The following SLC9B1 variants were observed in gnomAD, a reference collection of about 807,000 sequenced individuals.
SLC9B1 encodes the protein solute carrier family 9 member B1, also known as sodium/hydrogen exchanger 9B1.
Under a neutral mutation model 51.7 loss-of-function variants are expected in SLC9B1, and 32 were observed. The observed-to-expected ratio is 0.62, with a 90% CI of 0.47 to 0.83. SLC9B1 has a LOEUF of 0.83. Ranked by LOEUF, SLC9B1 falls within the 40% of genes least tolerant of loss-of-function variation. The pLI, the probability that SLC9B1 is intolerant of heterozygous loss-of-function variation, is 0.00. For missense variants in SLC9B1, 406 were observed against 613.2 expected (o/e 0.66, Z 3.57); for synonymous variants, 145 against 212.7 (o/e 0.68, Z 2.77).
chr4:102,926,571 C>T (rs1168915530), intron 7 of SLC9B1, among the ~76,000 whole-genome samples: 1 of 152,164 alleles, frequency 6.6e-6, no homozygotes, highest in Non-Finnish European at 1.5e-5. Flanking sequence ...AGGAGAACTA[C>T]AAACCACTGC....
At chr4:102,951,936 G>A (rs1444095455) in intron 3 of SLC9B1, among the ~76,000 whole-genome samples, 1 of 86,236 alleles carries the variant, frequency 1.2e-5, no homozygotes, top group African/African-American at 5.1e-5. Flanking sequence ...AGAAACTATA[G>A]ACTACCAAAG....
intron 1 of SLC9B1, among the ~76,000 whole-genome samples, chr4:102,996,527 C>A (rs1260027028): frequency 6.6e-6 from 1 of 152,098 alleles, no homozygotes; most frequent in Non-Finnish European, 1.5e-5. Flanking sequence ...AGGAAAGGAA[C>A]AACAACAGGT....
intron 3 of SLC9B1, among the ~76,000 whole-genome samples, chr4:102,965,005 A>G (rs1387393848): frequency 6.6e-6 from 1 of 152,104 alleles, no homozygotes; most frequent in African/African-American, 2.4e-5. Context: ...ACACCCACAC[A>G]CACACACCCA....
intron 6 of SLC9B1, among the ~76,000 whole-genome samples, chr4:102,942,599 G>A (rs1330119256): frequency 6.6e-6 from 1 of 152,124 alleles, no homozygotes; most frequent in Non-Finnish European, 1.5e-5. Context: ...TTCAACAAAT[G>A]GTGCTGGGAT....
chr4:103,007,316 T>C (rs1268346601), intron 1 of SLC9B1, among the ~76,000 whole-genome samples: 2 of 152,186 alleles, frequency 1.3e-5, no homozygotes, highest in African/African-American at 4.8e-5. Flanking sequence ...GTAGCATTTC[T>C]ATACACCAAC....
At position 102,912,315 on chromosome 4, in the gene SLC9B1, G is replaced by C. The variant is rs572263076; in HGVS notation, c.830-778C>G. On this transcript the variant is annotated intron_variant, in intron 7 of 11. Transcript: ENST00000296422. ...ATGTAATAACAACATAAAAAATTTTGTTCCAGGGTCAGTCCTAGAAACATT... is the reference window on the plus strand; with the variant it reads ...ATGTAATAACAACATAAAAAATTTTCTTCCAGGGTCAGTCCTAGAAACATT... Among the ~76,000 whole-genome samples, 99 of 152,026 alleles carry C rather than the reference G, an allele frequency of 6.5e-4. 1 individual carries two copies. Among genetic ancestry groups the C allele is most frequent in the African/African-American group, 2.3e-3 (96 of 41,486 alleles).
chr4:102,954,007 T>C (rs1237555969), intron 3 of SLC9B1, among the ~76,000 whole-genome samples: 1 of 39,048 alleles, frequency 2.6e-5, no homozygotes, highest in Non-Finnish European at 4.1e-5. Context: ...TCCAACACTA[T>C]GTTGAATAGG....
downstream of SLC9B1, among the ~76,000 whole-genome samples, chr4:102,899,080 T>A (rs1248455282): frequency 6.6e-6 from 1 of 151,560 alleles, no homozygotes; most frequent in Non-Finnish European, 1.5e-5. Context: ...TACACATGGT[T>A]AACTGGTTGT....
chr4:102,975,582 A>ATTTTTTTT lies in SLC9B1; in HGVS notation c.211+14217_211+14218insAAAAAAAA, dbSNP rs1361023040. Among the ~76,000 whole-genome samples the ATTTTTTTT allele has an allele frequency of 1.3e-3, 93 of 73,494 alleles. 1 individual carries two copies. Among genetic ancestry groups the ATTTTTTTT allele is most frequent in the South Asian group, 6.0e-3 (14 of 2,346 alleles). 48.2% of individuals were successfully genotyped at this position (73,494 alleles called of 152,430 possible). A position where few individuals can be genotyped will look rare whatever the true frequency, so the allele number is the denominator to read the frequency against. On this transcript the variant is annotated intron_variant, in intron 3 of 11. Transcript: ENST00000296422. ...TATATATACATATATATATATATAT[A>ATTTTTTTT]TATATTTTTTTTTTTTTTTTTTTTT...
intron 3 of SLC9B1, among the ~76,000 whole-genome samples, chr4:102,950,479 C>A (rs570359098): frequency 6.6e-6 from 1 of 152,126 alleles, no homozygotes; most frequent in African/African-American, 2.4e-5. Flanking sequence ...CCTTTATTTG[C>A]TATGAATCAT....
chr4:102,980,723 A>G (rs1578398532), intron 3 of SLC9B1, among the ~76,000 whole-genome samples: 1 of 152,054 alleles, frequency 6.6e-6, no homozygotes, highest in Non-Finnish European at 1.5e-5. Context: ...CTGCATATGT[A>G]CCCTGGAACT....
At chr4:102,920,175 G>A (rs1032528644) in intron 7 of SLC9B1, among the ~76,000 whole-genome samples, 15 of 152,228 alleles carry the variant, frequency 9.9e-5, no homozygotes, top group African/African-American at 1.9e-4. Context: ...TCATTTAGGC[G>A]GATGCCCCTC....
chr4:102,899,888 T>C (rs1734709546), downstream of SLC9B1, among the ~76,000 whole-genome samples: 1 of 152,192 alleles, frequency 6.6e-6, no homozygotes, highest in South Asian at 2.1e-4. Flanking sequence ...ATAGTAGCTA[T>C]TTTATCTTTT....
chr4:102,934,274 GAAT>G (rs1736605388), intron 6 of SLC9B1, among the ~76,000 whole-genome samples: 1 of 152,054 alleles, frequency 6.6e-6, no homozygotes, highest in Non-Finnish European at 1.5e-5. Flanking sequence ...AGTTAAAACT[GAAT>G]AATAGTGACA....
At chr4:102,919,515 A>C (rs550872659) in intron 7 of SLC9B1, among the ~76,000 whole-genome samples, 1 of 152,310 alleles carries the variant, frequency 6.6e-6, no homozygotes, top group East Asian at 1.9e-4. Context: ...TGATTTCTGC[A>C]CTTCCAACTG....
At chr4:102,924,112 C>A (rs1736031737) in intron 7 of SLC9B1, among the ~76,000 whole-genome samples, 1 of 152,054 alleles carries the variant, frequency 6.6e-6, no homozygotes. Context: ...AGTCTTAAGC[C>A]AAAAGAACAA....
chr4:102,905,598 T>C lies in SLC9B1; in HGVS notation c.1248A>G (p.Thr416=), dbSNP rs559175407. The C allele has an allele frequency of 5.0e-6, 8 of 1,611,404 alleles. No homozygotes were observed. Among genetic ancestry groups the C allele is most frequent in the East Asian group, 4.5e-5 (2 of 44,808 alleles). Residue 416 remains threonine, a synonymous_variant, in exon 11 of 12, where the codon ACA becomes ACG. Transcript: ENST00000296422. ...AACCAGCAAAGCACATCAATAGATATGTGGTTAAAATTCGAACACATAATG... is the reference window on the plus strand; with the variant it reads ...AACCAGCAAAGCACATCAATAGATACGTGGTTAAAATTCGAACACATAATG... ...SLALCVRILT[T]YLLMCFAGFS...
Position 102,907,871 on chromosome 4 carries a change from C to G in SLC9B1, c.1087-1227G>C, listed in dbSNP as rs1278797881. Among the ~76,000 whole-genome samples the G allele has an allele frequency of 7.2e-5, 11 of 152,264 alleles. No homozygotes were observed. In the East Asian group the frequency reaches 1.2e-3, roughly 16 times the overall value. ...AATTATCCTATTTGTTACTTTTAAT[C>G]TTTAAAACTTGTTTTAGTTCTGTTT... is the stretch of plus-strand genomic sequence containing the variant. On this transcript the variant is annotated intron_variant, in intron 9 of 11. Coordinates refer to ENST00000296422, the MANE Select transcript of SLC9B1 (RefSeq NM_139173.4).
chr4:102,927,540 A>G (rs930721867), intron 7 of SLC9B1, among the ~76,000 whole-genome samples: 13 of 152,230 alleles, frequency 8.5e-5, no homozygotes, highest in African/African-American at 2.4e-4. Flanking sequence ...ATCTCATGCC[A>G]GTTAGAATGG....
Sources: gnomAD v4.1 joint callset for allele counts (sites outside exome capture counted in the v4.1 genomes callset) on GRCh38, gnomAD v4.1.1 for gene constraint, MANE v1.5 for transcripts, NCBI Gene and HGNC (gene_info 2026-07-23, HGNC 2026-07-21) for gene names.